The following PALLD variants were observed in gnomAD, a reference collection of about 807,000 sequenced individuals.
PALLD encodes palladin.
Under a neutral mutation model 123.5 loss-of-function variants are expected in PALLD, and 61 were observed. That is an observed-to-expected ratio of 0.49 (90% CI 0.40 to 0.61). PALLD has a LOEUF of 0.61. PALLD is among the 20% of genes least tolerant of loss of function. PALLD has a pLI of 0.00. For missense variants in PALLD, 1,273 were observed against 1,377.0 expected (o/e 0.92, Z 1.20); for synonymous variants, 465 against 496.4 (o/e 0.94, Z 0.84).
chr4:168,915,811 G>A, intron 16 of PALLD, 84 bp from the exon 17 acceptor site: 4 of 1,038,328 alleles, frequency 3.9e-6, no homozygotes, highest in Non-Finnish European at 6.0e-6. Context: ...ATTACCCCAT[G>A]TATTTTAAGA....
intron 2 of PALLD, among the ~76,000 whole-genome samples, chr4:168,603,206 T>C (rs891315767): frequency 2.0e-5 from 3 of 152,334 alleles, no homozygotes; most frequent in East Asian, 3.9e-4. Context: ...AAGCAACCCA[T>C]TGCCATCAAA....
At chr4:168,572,907 C>T (rs1479025348) in intron 2 of PALLD, among the ~76,000 whole-genome samples, 1 of 148,744 alleles carries the variant, frequency 6.7e-6, no homozygotes, top group African/African-American at 2.5e-5. Flanking sequence ...AACAACCCAC[C>T]AGCACAGGTG....
intron 2 of PALLD, among the ~76,000 whole-genome samples, chr4:168,561,768 G>A (rs1767892282): frequency 6.6e-6 from 1 of 152,090 alleles, no homozygotes. Context: ...TTGAAGTAGA[G>A]TGGTTCCCAT....
intron 2 of PALLD, among the ~76,000 whole-genome samples, chr4:168,625,214 A>G: frequency 6.6e-6 from 1 of 151,234 alleles, no homozygotes; most frequent in South Asian, 2.1e-4. Context: ...CACCCAAACT[A>G]AAAAAAAATC....
At chr4:168,924,482 T>C in intron 19 of PALLD, 62 bp downstream of exon 19, 1 of 1,408,772 alleles carries the variant, frequency 7.1e-7, no homozygotes, top group Non-Finnish European at 1.0e-6. Context: ...TATCAAAAGA[T>C]ACATTTTATA....
intron 10 of PALLD, among the ~76,000 whole-genome samples, chr4:168,835,661 T>TGGGGCC (rs1165400259): frequency 5.3e-5 from 8 of 151,686 alleles, no homozygotes; most frequent in African/African-American, 7.2e-5. Context: ...GAATTAGAGA[T>TGGGGCC]GGTAGATGAG....
At chr4:168,902,580 T>C (rs1756755743) in intron 14 of PALLD, among the ~76,000 whole-genome samples, 1 of 152,038 alleles carries the variant, frequency 6.6e-6, no homozygotes, top group African/African-American at 2.4e-5. Context: ...AGGCGGAGGT[T>C]ACAGTGAGCC....
At chr4:168,527,177 C>T (rs540233640) in intron 2 of PALLD, among the ~76,000 whole-genome samples, 5 of 152,238 alleles carry the variant, frequency 3.3e-5, no homozygotes, top group African/African-American at 4.8e-5. Flanking sequence ...GCTCCCAGCA[C>T]GTTGGGAGGC....
intron 10 of PALLD, among the ~76,000 whole-genome samples, chr4:168,735,438 A>G (rs1787648793): frequency 6.6e-6 from 1 of 152,188 alleles, no homozygotes; most frequent in African/African-American, 2.4e-5. Context: ...ACTCCTACTC[A>G]TGTTAACCAC....
rs1762463664 is a variant in PALLD, at chr4:168,510,829, T to C, written c.-82-594T>C. 2.0e-5 allele frequency among the ~76,000 whole-genome samples: 3 copies of C among 152,176 alleles called. No homozygotes were observed. The South Asian group carries it at 6.2e-4, about 31-fold the overall frequency. Reference sequence around the variant, plus strand: ...AACAGCTCACAAAGTCAAGAGTATCTACCATCTGGCCCTTTCCAGAAAAGT... The same window carrying C: ...AACAGCTCACAAAGTCAAGAGTATCCACCATCTGGCCCTTTCCAGAAAAGT... On this transcript the variant is annotated intron_variant, in intron 1 of 21. Transcript: ENST00000505667.
intron 2 of PALLD, among the ~76,000 whole-genome samples, chr4:168,642,272 A>ACG (rs1777036223): frequency 2.0e-5 from 3 of 152,238 alleles, no homozygotes; most frequent in Non-Finnish European, 4.4e-5. Context: ...GCAGACTAAC[A>ACG]GAGTGGTTGA....
intron 10 of PALLD, among the ~76,000 whole-genome samples, chr4:168,813,019 A>T (rs1741387027): frequency 6.6e-6 from 1 of 152,088 alleles, no homozygotes; most frequent in Non-Finnish European, 1.5e-5. Flanking sequence ...AGGCAAATTG[A>T]TGGTTGGAAT....
At chr4:168,898,805 C>A (rs1249938085) in intron 14 of PALLD, 91 bp downstream of exon 14, 13 of 835,330 alleles carry the variant, frequency 1.6e-5, no homozygotes, top group Non-Finnish European at 2.7e-5. Context: ...GAAAGAGATA[C>A]AAATGATCTT....
intron 10 of PALLD, among the ~76,000 whole-genome samples, chr4:168,824,817 CTTTTTTT>C (rs148235431): frequency 1.0e-5 from 1 of 97,890 alleles, no homozygotes; most frequent in Non-Finnish European, 2.0e-5. Context: ...CAGATAAATT[CTTTTTTT>C]TTTTTTTTTT....
chr4:168,821,204 A>G (rs561732057), intron 10 of PALLD, among the ~76,000 whole-genome samples: 1 of 152,200 alleles, frequency 6.6e-6, no homozygotes, highest in Non-Finnish European at 1.5e-5. Context: ...CCTCCTCCCC[A>G]AAGTAGTGGA....
chr4:168,561,712 T>C (rs1321030582), intron 2 of PALLD, among the ~76,000 whole-genome samples: 1 of 152,256 alleles, frequency 6.6e-6, no homozygotes, highest in Non-Finnish European at 1.5e-5. Flanking sequence ...ACTTCTCTTA[T>C]TATTTTTCTA....
intron 10 of PALLD, among the ~76,000 whole-genome samples, chr4:168,830,623 A>G (rs1174760492): frequency 6.6e-6 from 1 of 152,234 alleles, no homozygotes; most frequent in African/African-American, 2.4e-5. Flanking sequence ...GGAGGACTAT[A>G]TTTTAGGCAG....
At chr4:168,570,713 G>C (rs1202916558) in intron 2 of PALLD, among the ~76,000 whole-genome samples, 1 of 152,134 alleles carries the variant, frequency 6.6e-6, no homozygotes, top group Non-Finnish European at 1.5e-5. Flanking sequence ...AAGCAATAAG[G>C]CTAGAGGGAC....
intron 18 of PALLD, among the ~76,000 whole-genome samples, chr4:168,923,678 A>C (rs1167222585): frequency 6.6e-6 from 1 of 152,072 alleles, no homozygotes; most frequent in Non-Finnish European, 1.5e-5. Context: ...AATTTATAGG[A>C]TATACATTCC....
Sources: allele counts gnomAD v4.1 joint callset (sites outside exome capture counted in the v4.1 genomes callset), GRCh38; gene constraint gnomAD v4.1.1; transcripts MANE v1.5; gene names NCBI Gene and HGNC (gene_info 2026-07-23, HGNC 2026-07-21).